Variants in NRG1 observed in about 807,000 individuals in gnomAD.
NRG1 encodes neuregulin 1.
A neutral mutation model predicts 63.8 loss-of-function variants in NRG1; 18 were observed. The ratio of observed to expected loss-of-function variants is 0.28; its 90% CI spans 0.19 to 0.42. The LOEUF (loss-of-function observed/expected upper bound fraction) is 0.42, where lower values mean the gene tolerates loss of function less well. Among genes scored for constraint, NRG1 ranks in the 10% least tolerant of loss-of-function variants. The pLI, the probability that NRG1 is intolerant of heterozygous loss-of-function variation, is 1.00. For synonymous variants in NRG1, 302 were observed against 301.3 expected (o/e 1.00, Z -0.02); for missense variants, 762 against 814.7 (o/e 0.94, Z 0.79).
intron 5 of NRG1, among the ~76,000 whole-genome samples, chr8:32,692,982 C>T (rs995401578): frequency 6.6e-6 from 1 of 152,182 alleles, no homozygotes; most frequent in Non-Finnish European, 1.5e-5. Context: ...AACAAATTTT[C>T]ATAGTCCTTC....
intron 1 of NRG1, among the ~76,000 whole-genome samples, chr8:32,395,963 G>C (rs1812385541): frequency 6.6e-6 from 1 of 152,108 alleles, no homozygotes; most frequent in Admixed American, 6.6e-5. Flanking sequence ...AGCATCCTAA[G>C]CATCTTTTGC....
chr8:32,511,870 C>T (rs918299442), intron 1 of NRG1, among the ~76,000 whole-genome samples: 3 of 152,010 alleles, frequency 2.0e-5, no homozygotes, highest in Admixed American at 2.0e-4. Context: ...AGAATACAGC[C>T]CCAGGGAGCT....
chr8:32,518,099 A>G (rs1055111685), intron 1 of NRG1, among the ~76,000 whole-genome samples: 8 of 151,982 alleles, frequency 5.3e-5, no homozygotes, highest in African/African-American at 1.7e-4. Context: ...ATATCTCACA[A>G]TTTTTTCCTA....
chr8:32,001,940 G>T (rs1002248080), intron 1 of NRG1, among the ~76,000 whole-genome samples: 1 of 151,982 alleles, frequency 6.6e-6, no homozygotes, highest in African/African-American at 2.4e-5. Flanking sequence ...TACTGTTTGG[G>T]AGGAGCTCAT....
intron 1 of NRG1, among the ~76,000 whole-genome samples, chr8:32,151,289 A>G (rs753923773): frequency 6.6e-6 from 1 of 152,220 alleles, no homozygotes; most frequent in Non-Finnish European, 1.5e-5. Context: ...ATAAAGGCCA[A>G]TAAAAAGCAA....
intron 1 of NRG1, among the ~76,000 whole-genome samples, chr8:32,163,326 G>C (rs530047186): frequency 3.5e-4 from 54 of 152,306 alleles, no homozygotes; most frequent in African/African-American, 1.3e-3. Context: ...CAAGGGAACT[G>C]TTTGCTAAAG....
At chr8:32,651,702 A>G (rs1040018440) in intron 5 of NRG1, among the ~76,000 whole-genome samples, 1 of 152,154 alleles carries the variant, frequency 6.6e-6, no homozygotes, top group African/African-American at 2.4e-5. Flanking sequence ...CCGCAGTGAC[A>G]ATAAGAATCA....
At chr8:32,482,213 AAAAAG>A (rs1041038213) in intron 1 of NRG1, among the ~76,000 whole-genome samples, 1 of 152,186 alleles carries the variant, frequency 6.6e-6, no homozygotes, top group African/African-American at 2.4e-5. Context: ...TCAGGAAAAA[AAAAAG>A]AAAATTCCTG....
chr8:32,124,225 G>A (rs1419568625), intron 1 of NRG1, among the ~76,000 whole-genome samples: 22 of 151,820 alleles, frequency 1.4e-4, no homozygotes. Context: ...GCATTCTTTA[G>A]CCATGCACCA....
intron 1 of NRG1, among the ~76,000 whole-genome samples, chr8:32,095,120 C>G (rs1455804627): frequency 6.6e-6 from 1 of 152,122 alleles, no homozygotes; most frequent in African/African-American, 2.4e-5. Flanking sequence ...CCATGTTGGC[C>G]AGGATGGTCT....
At chr8:31,830,558 G>A (rs1439974973) in intron 1 of NRG1, among the ~76,000 whole-genome samples, 2 of 152,102 alleles carry the variant, frequency 1.3e-5, no homozygotes, top group African/African-American at 4.8e-5. Flanking sequence ...TTTCAGCTGA[G>A]GTTTGCTTTA....
chr8:32,578,470 CT>C (rs61536571), intron 1 of NRG1, among the ~76,000 whole-genome samples: 94,163 of 148,192 alleles, frequency 0.64, 31,344 homozygotes, highest in East Asian at 0.83. Flanking sequence ...CTCTGTCCTC[CT>C]TTTTTTTTTT....
chr8:31,680,933 A>G (rs1338173237), intron 1 of NRG1, among the ~76,000 whole-genome samples: 1 of 152,214 alleles, frequency 6.6e-6, no homozygotes, highest in Non-Finnish European at 1.5e-5. Flanking sequence ...AAAACTGTGT[A>G]CTACTATAAA....
At chr8:32,138,577 T>C (rs1388027758) in intron 1 of NRG1, among the ~76,000 whole-genome samples, 6 of 151,986 alleles carry the variant, frequency 3.9e-5, no homozygotes, top group Non-Finnish European at 7.4e-5. Context: ...TTCTTTTTTT[T>C]TGAGACAGGG....
At chr8:31,947,955 A>C (rs1441521563) in intron 1 of NRG1, among the ~76,000 whole-genome samples, 4 of 150,216 alleles carry the variant, frequency 2.7e-5, no homozygotes, top group African/African-American at 9.7e-5. Context: ...AAAAAAAAAA[A>C]AAAAAAAAAA....
At chr8:31,941,494 G>A (rs1408526201) in intron 1 of NRG1, among the ~76,000 whole-genome samples, 1 of 151,984 alleles carries the variant, frequency 6.6e-6, no homozygotes, top group East Asian at 1.9e-4. Flanking sequence ...GAACAAGGAT[G>A]CCCACTTTCA....
intron 1 of NRG1, among the ~76,000 whole-genome samples, chr8:31,881,109 A>G (rs987687415): frequency 2.0e-5 from 3 of 152,248 alleles, no homozygotes; most frequent in Admixed American, 2.0e-4. Flanking sequence ...GAGTACAGAC[A>G]TATGTGGTTT....
chr8:32,499,553 G>A (rs960214993), intron 1 of NRG1, among the ~76,000 whole-genome samples: 1 of 152,048 alleles, frequency 6.6e-6, no homozygotes, highest in African/African-American at 2.4e-5. Context: ...ATGCACCTGT[G>A]GTACCAACTA....
intron 5 of NRG1, among the ~76,000 whole-genome samples, chr8:32,660,905 C>T (rs1802687837): frequency 6.6e-6 from 1 of 152,168 alleles, no homozygotes; most frequent in African/African-American, 2.4e-5. Flanking sequence ...CTTGTGATTA[C>T]AATAACAGGC....
Sources: allele counts gnomAD v4.1 joint callset (sites outside exome capture counted in the v4.1 genomes callset), GRCh38; gene constraint gnomAD v4.1.1; transcripts MANE v1.5; gene names NCBI Gene and HGNC (gene_info 2026-07-23, HGNC 2026-07-21).